Variants in TLN2 observed in about 807,000 individuals in gnomAD.
TLN2 encodes the protein talin-2.
A neutral mutation model predicts 294.7 loss-of-function variants in TLN2; 118 were observed. That is an observed-to-expected ratio of 0.40 (90% CI 0.34 to 0.47). The LOEUF (loss-of-function observed/expected upper bound fraction) is 0.47. Ranked by LOEUF, TLN2 falls within the 20% of genes least tolerant of loss-of-function variation. The pLI is 0.84. For missense variants in TLN2, 3,083 were observed against 3,282.2 expected, an observed-to-expected ratio of 0.94 and a Z score of 1.48; for synonymous variants, 1,431 against 1,304.5, an observed-to-expected ratio of 1.10 and a Z score of -2.09.
At position 62,682,714 on chromosome 15, in the gene TLN2, T is replaced by C. The variant is rs560763060; in HGVS notation, c.958-3927T>C. Among the ~76,000 whole-genome samples, 99 of 152,316 alleles carry C rather than the reference T, an allele frequency of 6.5e-4. 2 individuals carry two copies. In the South Asian group the frequency reaches 0.019, roughly 30 times the overall value. ...TTCTTTCATTGCCTTCTTTTGCATT[T>C]CATCATGATCTGCTACACCAAAACC... On this transcript the variant is annotated intron_variant, in intron 11 of 58. Transcript: ENST00000636159.
chr15:62,403,428 T>C (rs971624950), intron 1 of TLN2, among the ~76,000 whole-genome samples: 28 of 152,334 alleles, frequency 1.8e-4, no homozygotes, highest in African/African-American at 6.7e-4. Flanking sequence ...TTTTTTTGTT[T>C]TGCCACGTTG....
intron 40 of TLN2, among the ~76,000 whole-genome samples, 172 bp from the exon 41 acceptor site, chr15:62,766,149 G>T (rs1179785259): frequency 1.3e-5 from 2 of 152,216 alleles, no homozygotes; most frequent in Non-Finnish European, 2.9e-5. Context: ...TTCTCGGGAG[G>T]AGTCATCACT....
At chr15:62,392,631 A>G (rs115660125) in intron 1 of TLN2, among the ~76,000 whole-genome samples, 1,583 of 152,244 alleles carry the variant, frequency 0.01, 22 homozygotes, top group African/African-American at 0.036. Flanking sequence ...CAGGCAGCCA[A>G]TTGCAGGAAC....
At chr15:62,624,691 G>T (rs1479631426) in intron 3 of TLN2, among the ~76,000 whole-genome samples, 1 of 152,194 alleles carries the variant, frequency 6.6e-6, no homozygotes, top group Non-Finnish European at 1.5e-5. Context: ...TAATTCCTCA[G>T]TAGTCCATTC....
chr15:62,732,855 T>TG (rs2060805620), intron 28 of TLN2, among the ~76,000 whole-genome samples: 1 of 152,072 alleles, frequency 6.6e-6, no homozygotes, highest in Non-Finnish European at 1.5e-5. Context: ...ACAGGACCAT[T>TG]GGTAGGAGCA....
At chr15:62,766,774 G>C (rs1054676064) in intron 41 of TLN2, among the ~76,000 whole-genome samples, 4 of 152,168 alleles carry the variant, frequency 2.6e-5, no homozygotes, top group Non-Finnish European at 5.9e-5. Flanking sequence ...GCCACCTTTG[G>C]CTGGCTGGCC....
intron 9 of TLN2, among the ~76,000 whole-genome samples, chr15:62,667,423 T>G (rs551485762): frequency 6.6e-6 from 1 of 152,268 alleles, no homozygotes; most frequent in East Asian, 1.9e-4. Flanking sequence ...CCAGCATCCT[T>G]TGGGTGATGC....
chr15:62,815,606 C>T (rs1596100991), intron 52 of TLN2, among the ~76,000 whole-genome samples: 1 of 152,098 alleles, frequency 6.6e-6, no homozygotes. Flanking sequence ...TCTTAAATCT[C>T]GGCACATAAA....
intron 1 of TLN2, among the ~76,000 whole-genome samples, chr15:62,549,616 T>G (rs968384297): frequency 6.6e-6 from 1 of 152,154 alleles, no homozygotes; most frequent in African/African-American, 2.4e-5. Flanking sequence ...CCAGTCTGGT[T>G]GGGGAATTTG....
At chr15:62,448,791 A>G (rs1218938584) in intron 1 of TLN2, among the ~76,000 whole-genome samples, 1 of 152,226 alleles carries the variant, frequency 6.6e-6, no homozygotes, top group East Asian at 1.9e-4. Flanking sequence ...TTAAAGCCCA[A>G]CATCAGAACT....
intron 28 of TLN2, among the ~76,000 whole-genome samples, chr15:62,731,597 T>C (rs2060728158): frequency 6.6e-6 from 1 of 152,222 alleles, no homozygotes; most frequent in African/African-American, 2.4e-5. Flanking sequence ...ATTCTGTTTT[T>C]TTGGGCTCAG....
chr15:62,526,097 AACTC>A (rs1219404161), intron 1 of TLN2, among the ~76,000 whole-genome samples: 2 of 152,200 alleles, frequency 1.3e-5, no homozygotes, highest in African/African-American at 2.4e-5. Flanking sequence ...TCAATTAACA[AACTC>A]AATAAGCAAA....
At chr15:62,741,012 T>G in intron 32 of TLN2, among the ~76,000 whole-genome samples, 1 of 152,372 alleles carries the variant, frequency 6.6e-6, no homozygotes, top group South Asian at 2.1e-4. Flanking sequence ...GAGACTTGTT[T>G]AGACGTAAGG....
rs74941018 is a variant in TLN2, at chr15:62,433,627, G to T, written c.-238+42942G>T. Among the ~76,000 whole-genome samples the T allele has an allele frequency of 4.8e-4, 73 of 152,144 alleles. No individual in the cohort carries two copies. In the East Asian group the frequency reaches 0.013, roughly 27 times the overall value. ...TTTGAGTCAAGGTTGTCACTCACTG[G>T]TTTTTTTCCCCCAGATGGCCTTTGT... On this transcript the variant is annotated intron_variant, in intron 1 of 58. Coordinates refer to ENST00000636159, the MANE Select transcript of TLN2 (RefSeq NM_015059.3).
intron 19 of TLN2, among the ~76,000 whole-genome samples, chr15:62,705,237 C>T (rs1213284969): frequency 1.3e-5 from 2 of 152,202 alleles, no homozygotes; most frequent in Admixed American, 6.5e-5. Context: ...TTGTTTAGCT[C>T]TCTAGGTAAA....
At chr15:62,491,359 C>T (rs1016998623) in intron 1 of TLN2, among the ~76,000 whole-genome samples, 84 of 95,702 alleles carry the variant, frequency 8.8e-4, no homozygotes, top group South Asian at 8.2e-3. Context: ...TATACACACA[C>T]ACACACACAC....
At chr15:62,721,668 A>G (rs2060157283) in intron 25 of TLN2, among the ~76,000 whole-genome samples, 1 of 152,194 alleles carries the variant, frequency 6.6e-6, no homozygotes, top group Admixed American at 6.5e-5. Flanking sequence ...AATTTATACA[A>G]AGAAAATTAT....
intron 52 of TLN2, among the ~76,000 whole-genome samples, chr15:62,813,691 A>G (rs190452291): frequency 6.6e-6 from 1 of 152,234 alleles, no homozygotes; most frequent in Admixed American, 6.5e-5. Context: ...AGATAAATCT[A>G]TAAAATTTAC....
chr15:62,431,431 A>G (rs547217795), intron 1 of TLN2, among the ~76,000 whole-genome samples: 6 of 152,362 alleles, frequency 3.9e-5, no homozygotes, highest in African/African-American at 1.4e-4. Context: ...ATGACATGTT[A>G]AACACAAAAT....
Sources: allele counts gnomAD v4.1 joint callset (sites outside exome capture counted in the v4.1 genomes callset), GRCh38; gene constraint gnomAD v4.1.1; transcripts MANE v1.5; gene names NCBI Gene and HGNC (gene_info 2026-07-23, HGNC 2026-07-21).